The following HPSE2 variants were observed in gnomAD, a reference collection of about 807,000 sequenced individuals.
HPSE2 encodes the protein heparanase 2 (inactive).
A neutral mutation model predicts 60.5 loss-of-function variants in HPSE2; 38 were observed. That is an observed-to-expected ratio of 0.63 (90% CI 0.48 to 0.82). HPSE2 has a LOEUF of 0.82. Ranked by LOEUF, HPSE2 falls within the 40% of genes least tolerant of loss-of-function variation. The probability of loss-of-function intolerance (pLI) is 0.00; values close to 1 mark genes in which losing one functional copy is unlikely to be tolerated. For missense variants in HPSE2, 713 were observed against 740.4 expected, an observed-to-expected ratio of 0.96 and a Z score of 0.43; for synonymous variants, 295 against 293.2, an observed-to-expected ratio of 1.01 and a Z score of -0.06.
intron 4 of HPSE2, among the ~76,000 whole-genome samples, chr10:98,725,561 T>C (rs1168657306): frequency 1.3e-5 from 2 of 152,120 alleles, no homozygotes; most frequent in African/African-American, 4.8e-5. Context: ...GGCAATACCA[T>C]TCAGGACATA....
intron 3 of HPSE2, among the ~76,000 whole-genome samples, chr10:98,748,912 G>A (rs1300463895): frequency 6.6e-6 from 1 of 152,054 alleles, no homozygotes; most frequent in Non-Finnish European, 1.5e-5. Context: ...ATCAAACAGT[G>A]AGGTTAGAAA....
intron 3 of HPSE2, among the ~76,000 whole-genome samples, chr10:98,966,316 T>C (rs1336282917): frequency 6.6e-6 from 1 of 151,892 alleles, no homozygotes; most frequent in Admixed American, 6.6e-5. Flanking sequence ...GGTTCTGAGG[T>C]CAGAAAAATA....
intron 3 of HPSE2, among the ~76,000 whole-genome samples, chr10:98,845,003 A>T (rs1379917098): frequency 1.3e-5 from 2 of 152,184 alleles, no homozygotes; most frequent in Non-Finnish European, 2.9e-5. Context: ...TGCCATTAAG[A>T]TGTTAATTTC....
At chr10:98,701,294 G>T (rs1948400848) in intron 5 of HPSE2, among the ~76,000 whole-genome samples, 1 of 139,448 alleles carries the variant, frequency 7.2e-6, no homozygotes, top group Admixed American at 7.5e-5. Context: ...TATACACCAT[G>T]GAATACTATG....
intron 3 of HPSE2, among the ~76,000 whole-genome samples, chr10:99,019,844 T>C (rs772918346): frequency 2.0e-5 from 3 of 151,884 alleles, no homozygotes; most frequent in African/African-American, 7.3e-5. Flanking sequence ...CCCTAGTAGC[T>C]GAGATTACGG....
the HPSE2 span, among the ~76,000 whole-genome samples, chr10:99,295,763 C>G: frequency 6.6e-6 from 1 of 152,172 alleles, no homozygotes; most frequent in African/African-American, 2.4e-5. Context: ...CTGAAACACT[C>G]CACCCAAACC....
At chr10:99,206,582 T>C (rs941252565) in intron 2 of HPSE2, among the ~76,000 whole-genome samples, 4 of 150,824 alleles carry the variant, frequency 2.7e-5, no homozygotes, top group Non-Finnish European at 5.9e-5. Context: ...AAAAAAGTTA[T>C]ACAGATTTGT....
At chr10:99,215,316 C>T (rs1465923047) in intron 2 of HPSE2, among the ~76,000 whole-genome samples, 1 of 152,314 alleles carries the variant, frequency 6.6e-6, no homozygotes, top group East Asian at 1.9e-4. Flanking sequence ...TTTGCAAGGA[C>T]ATGGATGAAG....
chr10:98,978,187 A>G (rs963697416), intron 3 of HPSE2, among the ~76,000 whole-genome samples: 2 of 152,148 alleles, frequency 1.3e-5, no homozygotes, highest in African/African-American at 2.4e-5. Flanking sequence ...AAAGCCTTCA[A>G]TAAGTATGTA....
intron 3 of HPSE2, among the ~76,000 whole-genome samples, chr10:99,009,498 C>T (rs1373576059): frequency 6.6e-6 from 1 of 152,182 alleles, no homozygotes. Context: ...CGGGTTACTA[C>T]TGGCAGCCAC....
At chr10:98,766,102 A>ATATAAATAT (rs1950114228) in intron 3 of HPSE2, among the ~76,000 whole-genome samples, 1 of 152,160 alleles carries the variant, frequency 6.6e-6, no homozygotes, top group African/African-American at 2.4e-5. Context: ...ATGAATCAAT[A>ATATAAATAT]TAAACCATAT....
At chr10:98,958,585 T>C (rs1955568089) in intron 3 of HPSE2, among the ~76,000 whole-genome samples, 1 of 152,128 alleles carries the variant, frequency 6.6e-6, no homozygotes. Flanking sequence ...GGCAGTATTA[T>C]TATAACTGCT....
intron 3 of HPSE2, among the ~76,000 whole-genome samples, chr10:98,999,068 G>T (rs1177218670): frequency 6.6e-6 from 1 of 152,044 alleles, no homozygotes; most frequent in Non-Finnish European, 1.5e-5. Flanking sequence ...GAAAAGGAGA[G>T]AAATTATTGC....
chr10:99,183,102 A>G (rs1049959156), intron 2 of HPSE2, among the ~76,000 whole-genome samples: 2 of 152,166 alleles, frequency 1.3e-5, no homozygotes, highest in Admixed American at 6.5e-5. Context: ...CCCCACCTCA[A>G]TGCCTACAGA....
At chr10:99,261,517 T>C in the HPSE2 span, among the ~76,000 whole-genome samples, 3 of 152,156 alleles carry the variant, frequency 2.0e-5, no homozygotes. Flanking sequence ...TCACCAAATA[T>C]AAAAACCCAG....
In HPSE2 at chr10:99,169,504, C is replaced by CAAAAAAAA. The variant is rs562946052; in HGVS notation, c.449-25113_449-25106dup. Reference sequence around the variant, plus strand: ...TGGGTGACAGAGCAAGACTCCGTCTCAAAAAAAAAAAAAAAAAAAAAAAAA... The same window carrying CAAAAAAAA: ...TGGGTGACAGAGCAAGACTCCGTCTCAAAAAAAAAAAAAAAAAAAAAAAAAAAAAAAAA... On this transcript the variant is annotated intron_variant, in intron 2 of 11. Transcript: ENST00000370552. 2.7e-4 allele frequency among the ~76,000 whole-genome samples: 15 copies of CAAAAAAAA among 54,728 alleles called. 1 individual carries two copies. Among genetic ancestry groups the CAAAAAAAA allele is most frequent in the East Asian group, 2.1e-3 (3 of 1,424 alleles). 35.9% of individuals were successfully genotyped at this position (54,728 alleles called of 152,430 possible).
In HPSE2 at chr10:99,228,938, G is replaced by A. The variant is rs180820715; in HGVS notation, c.448+3410C>T. Among the ~76,000 whole-genome samples the A allele has an allele frequency of 4.6e-5, 7 of 152,170 alleles. No homozygotes were observed. The East Asian group carries it at 1.2e-3, about 25-fold the overall frequency. On this transcript the variant is annotated intron_variant, in intron 2 of 11. Transcript: ENST00000370552. ...TCTGTAATCCCAGCACTTTGGGGAG[G>A]CTGAACTGGGCAGATCAGTTGAGGT...
At chr10:99,063,222 AAACAT>A (rs1337481913) in intron 3 of HPSE2, among the ~76,000 whole-genome samples, 1 of 152,238 alleles carries the variant, frequency 6.6e-6, no homozygotes, top group African/African-American at 2.4e-5. Context: ...TAAAAAAGAT[AAACAT>A]AAGACTGAAG....
chr10:99,132,719 TC>T (rs1164467157), intron 3 of HPSE2, among the ~76,000 whole-genome samples: 5 of 152,150 alleles, frequency 3.3e-5, no homozygotes, highest in African/African-American at 1.2e-4. Flanking sequence ...ACTGCATTTG[TC>T]CCACGGTTTT....
Sources: gnomAD v4.1 joint callset for allele counts (sites outside exome capture counted in the v4.1 genomes callset) on GRCh38, gnomAD v4.1.1 for gene constraint, MANE v1.5 for transcripts, NCBI Gene and HGNC (gene_info 2026-07-23, HGNC 2026-07-21) for gene names.